The following KCNN1 variants were observed in gnomAD, a reference collection of about 807,000 sequenced individuals.
The protein encoded by KCNN1 is small conductance calcium-activated potassium channel protein 1.
In KCNN1, 20 loss-of-function variants were observed where a neutral mutation model predicts 44.7. That is an observed-to-expected ratio of 0.45 (90% CI 0.32 to 0.65). The LOEUF is 0.65. KCNN1 is among the 30% of genes least tolerant of loss of function. The probability of loss-of-function intolerance (pLI) is 0.05; values close to 1 mark genes in which losing one functional copy is unlikely to be tolerated. For missense variants in KCNN1, 632 were observed against 785.3 expected, an observed-to-expected ratio of 0.80 and a Z score of 2.33; for synonymous variants, 324 against 341.7, an observed-to-expected ratio of 0.95 and a Z score of 0.57.
intron 5 of KCNN1, among the ~76,000 whole-genome samples, chr19:17,987,370 A>G (rs1343605089): frequency 6.6e-6 from 1 of 152,044 alleles, no homozygotes; most frequent in African/African-American, 2.4e-5. Context: ...TTGGCCTCCC[A>G]AAGTGCTGGG....
chr19:17,989,450 AAAACAAAC>A (rs58466722), intron 6 of KCNN1, among the ~76,000 whole-genome samples: 27 of 152,178 alleles, frequency 1.8e-4, no homozygotes, highest in Non-Finnish European at 2.9e-4. Context: ...AGAGCCTCAA[AAAACAAAC>A]AAACAAACAA....
At chr19:17,985,494 G>T in intron 5 of KCNN1, 41 bp downstream of exon 5, 4 of 1,499,634 alleles carry the variant, frequency 2.7e-6, no homozygotes, top group Non-Finnish European at 2.7e-6. Flanking sequence ...GGGAGGTCCA[G>T]CCAGCTGCCC....
chr19:17,996,667 A>G (rs2033004062), intron 9 of KCNN1, among the ~76,000 whole-genome samples: 1 of 152,228 alleles, frequency 6.6e-6, no homozygotes, highest in Non-Finnish European at 1.5e-5. Context: ...AACCACCTGA[A>G]GGCTGGACAC....
intron 9 of KCNN1, among the ~76,000 whole-genome samples, chr19:17,994,456 A>C (rs921853558): frequency 1.3e-5 from 2 of 152,064 alleles, no homozygotes; most frequent in Non-Finnish European, 2.9e-5. Context: ...CAAAAAAAAA[A>C]AAAAAGCAAG....
rs1242790264 is a variant in KCNN1 at position 17,999,662 on chromosome 19, A to G, written c.*1256A>G. The G allele has an allele frequency of 4.1e-6, 1 of 242,578 alleles. No individual in the cohort carries two copies. Among genetic ancestry groups the G allele is most frequent in the Admixed American group, 4.5e-5 (1 of 22,352 alleles). 15.0% of individuals were successfully genotyped at this position (242,578 alleles called of 1,614,324 possible). A position where few individuals can be genotyped will look rare whatever the true frequency, so the allele number is the denominator to read the frequency against. On this transcript the variant is annotated 3_prime_UTR_variant, in exon 10 of 10. Coordinates refer to ENST00000684775, the MANE Select transcript of KCNN1 (RefSeq NM_001386974.1). ...AGAATCAGAAAGGTCCCTGGAGGCC[A>G]TGGGCTTGGGTGCTGGGAGCAACAG... is the stretch of plus-strand genomic sequence containing the variant.
At chr19:17,962,654 C>T (rs1452330137), upstream of KCNN1, among the ~76,000 whole-genome samples, 1 of 152,106 alleles carries the variant, frequency 6.6e-6, no homozygotes, top group Non-Finnish European at 1.5e-5. Context: ...TCCCACTCCG[C>T]TTCCTGCCCC....
chr19:17,982,614 A>AGCCACT, intron 4 of KCNN1: 1 of 983,970 alleles, frequency 1.0e-6, no homozygotes, highest in Non-Finnish European at 1.2e-6. Flanking sequence ...TGCGCAGAGC[A>AGCCACT]GCCACTGCCA....
At chr19:17,995,442 G>A (rs1464178838) in intron 9 of KCNN1, among the ~76,000 whole-genome samples, 7 of 151,920 alleles carry the variant, frequency 4.6e-5, no homozygotes, top group Admixed American at 3.9e-4. Flanking sequence ...CCAAAGTGCT[G>A]GGATTACAGG....
At chr19:17,958,479 TC>T (rs2031596574) in intron 2 of KCNN1, among the ~76,000 whole-genome samples, 1 of 131,804 alleles carries the variant, frequency 7.6e-6, no homozygotes. Flanking sequence ...AGACCCTGTC[TC>T]TTTTTTTTTT....
chr19:17,973,723 C>T (rs1029684866), intron 1 of KCNN1, 85 bp from the exon 2 acceptor site: 11 of 1,401,980 alleles, frequency 7.8e-6, no homozygotes, highest in East Asian at 2.7e-5. Context: ...AAACTTAGAA[C>T]GTTCTGGGTT....
chr19:17,974,276 G>C lies in KCNN1; in HGVS notation c.388G>C (p.Gly130Arg), dbSNP rs2032131323. The C allele has an allele frequency of 2.5e-6, 4 of 1,577,698 alleles. No individual in the cohort carries two copies. Among genetic ancestry groups the C allele is most frequent in the Non-Finnish European group, 3.5e-6 (4 of 1,159,234 alleles). ...VMVTETELSW[G>R]VYTKESLYSF... is the part of the protein sequence containing the mutation. ...GGTGACGGAGACCGAGCTGTCCTGG[G>C]GGGTGTACACCAAGGTAGGCGTGGT... The change falls in exon 2 of 10, where the codon GGG becomes CGG. Residue 130 changes from glycine (G) to arginine (R), a missense_variant. Around this residue, in one of 3 missense-constraint regions of KCNN1, gnomAD observed 235 missense variants for 224.0 expected, o/e 1.05. Transcript: ENST00000684775. The surrounding 1 kb of genome is among the most constrained non-coding windows in gnomAD (Gnocchi z 7.3).
At chr19:17,987,104 G>T (rs371423928) in intron 5 of KCNN1, among the ~76,000 whole-genome samples, 27 of 150,616 alleles carry the variant, frequency 1.8e-4, no homozygotes, top group Non-Finnish European at 3.5e-4. Flanking sequence ...CACCACGCTG[G>T]CCCTTTTTTT....
In KCNN1 at chr19:17,995,746, T is replaced by G. The variant is rs547785508; in HGVS notation, c.1377+2187T>G. On this transcript the variant is annotated intron_variant, in intron 9 of 9. Transcript: ENST00000684775. ...GATTACAGGTGTATGCCGCCACGCC[T>G]AGCTACTTTTTGTATTTTTAGTAGA... Among the ~76,000 whole-genome samples, 130 of 150,688 alleles carry G rather than the reference T, an allele frequency of 8.6e-4. 1 individual carries two copies. The highest frequency in any genetic ancestry group is 1.7e-3 in the Non-Finnish European group (115 of 67,568).
chr19:17,997,833 G>A lies in KCNN1; in HGVS notation c.1378-319G>A, dbSNP rs150219307. On this transcript the variant is annotated intron_variant, in intron 9 of 9. Transcript: ENST00000684775. ...GGCTGGGCGCCTCCCGGAAAGAGGAGGTTGTAATGAGCCGAGATTGGGCCA... is the reference window on the plus strand; with the variant it reads ...GGCTGGGCGCCTCCCGGAAAGAGGAAGTTGTAATGAGCCGAGATTGGGCCA... Among the ~76,000 whole-genome samples, 1,292 of 152,028 alleles carry A rather than the reference G, an allele frequency of 8.5e-3. 17 individuals carry two copies. The highest frequency in any genetic ancestry group is 0.03 in the African/African-American group (1,244 of 41,444).
intron 2 of KCNN1, among the ~76,000 whole-genome samples, chr19:17,956,794 C>A: frequency 6.6e-6 from 1 of 151,928 alleles, no homozygotes; most frequent in Non-Finnish European, 1.5e-5. Flanking sequence ...TGGCTCATGC[C>A]TGTAATCCCA....
chr19:17,991,025 G>A (rs927792565), intron 7 of KCNN1, among the ~76,000 whole-genome samples: 5 of 150,918 alleles, frequency 3.3e-5, no homozygotes, highest in African/African-American at 1.2e-4. Context: ...TTCCTCAAAT[G>A]ACTGCTTGGT....
chr19:17,975,133 C>T lies in KCNN1; in HGVS notation c.444C>T (p.Leu148=), dbSNP rs371452218. ...YSFALKCLIS[L]STAILLGLVV... ...TCGCACTCAAATGCCTCATCAGCCT[C>T]TCCACGGCCATCCTGCTGGGTCTCG... Residue 148 remains leucine, a synonymous_variant, in exon 3 of 10, where the codon CTC becomes CTT. Transcript: ENST00000684775. 1,703 of 1,613,800 alleles carry T rather than the reference C, an allele frequency of 1.1e-3. 3 individuals are homozygous for T. Among genetic ancestry groups the T allele is most frequent in the Middle Eastern group, 9.9e-4 (6 of 6,062 alleles).
At chr19:17,989,933 C>A in intron 7 of KCNN1, 90 bp downstream of exon 7, 1 of 1,590,928 alleles carries the variant, frequency 6.3e-7, no homozygotes, top group South Asian at 1.1e-5. Context: ...TCACGGCTCC[C>A]TGCCAGGGAC....
At chr19:17,979,625 T>C (rs1459342096) in intron 3 of KCNN1, among the ~76,000 whole-genome samples, 2 of 151,644 alleles carry the variant, frequency 1.3e-5, no homozygotes, top group African/African-American at 4.8e-5. Flanking sequence ...ACAGATGTTA[T>C]GTATCTTGGC....
Sources: allele counts gnomAD v4.1 joint callset (sites outside exome capture counted in the v4.1 genomes callset), GRCh38; gene constraint gnomAD v4.1.1; regional missense constraint gnomAD v4.1.1; non-coding constraint Gnocchi (gnomAD v3.1); transcripts MANE v1.5; gene names NCBI Gene and HGNC (gene_info 2026-07-23, HGNC 2026-07-21).